DMD: variants seen among roughly 807,000 people sequenced by gnomAD.
DMD encodes the protein dystrophin.
Under a neutral mutation model 330.1 loss-of-function variants are expected in DMD, and 63 were observed. The observed-to-expected ratio is 0.19, with a 90% CI of 0.16 to 0.24. The LOEUF (loss-of-function observed/expected upper bound fraction) is 0.24, where lower values mean the gene tolerates loss of function less well. DMD is among the 10% of genes least tolerant of loss of function. The pLI is 1.00. For synonymous variants in DMD, 1,223 were observed against 959.8 expected (o/e 1.27, Z -5.07); for missense variants, 3,344 against 2,684.1 (o/e 1.25, Z -5.43).
chrX:32,821,179 G>A (rs1476538419), intron 5 of DMD, among the ~76,000 whole-genome samples: 2 of 111,339 alleles, frequency 1.8e-5, no homozygotes, highest in Non-Finnish European at 3.8e-5. Flanking sequence ...CAGAGAATTT[G>A]GAATAAAAAT....
chrX:32,930,355 A>C, intron 2 of DMD, among the ~76,000 whole-genome samples: 1 of 110,302 alleles, frequency 9.1e-6, no homozygotes, highest in East Asian at 2.9e-4. Flanking sequence ...TAGTCAGAAA[A>C]CCAAAAAAGT....
intron 43 of DMD, among the ~76,000 whole-genome samples, chrX:32,224,040 T>G (rs1403569467): frequency 2.7e-5 from 3 of 111,402 alleles, no homozygotes; most frequent in African/African-American, 9.8e-5. Context: ...ACTTTTCCCA[T>G]TTTTCTATTG....
chrX:32,651,533 C>G (rs1384971375), intron 9 of DMD, among the ~76,000 whole-genome samples: 1 of 111,772 alleles, frequency 8.9e-6, no homozygotes, highest in African/African-American at 3.3e-5. Context: ...AGGAAAATAC[C>G]TCGTCTTCAT....
intron 41 of DMD, among the ~76,000 whole-genome samples, chrX:32,318,100 A>G (rs2097590718): frequency 9.0e-6 from 1 of 111,404 alleles, no homozygotes. Flanking sequence ...TCATAAATGA[A>G]AAGGCAATGG....
Position 31,412,403 on chromosome X carries a change from C to T in DMD, c.9084+32078G>A, listed in dbSNP as rs1053809496. Among the ~76,000 whole-genome samples, 4 of 111,650 alleles carry T rather than the reference C, an allele frequency of 3.6e-5. No individual in the cohort carries two copies. In the East Asian group the frequency reaches 1.1e-3, roughly 31 times the overall value. The stretch of plus-strand genomic sequence containing the variant: ...TGAAGGAAAGAATATATTTCTTAGC[C>T]TCACATAGATGTAAATATAATCATG... On this transcript the variant is annotated intron_variant, in intron 60 of 78. Coordinates refer to ENST00000357033, the MANE Select transcript of DMD (RefSeq NM_004006.3).
chrX:32,285,749 G>A (rs1011496269), intron 43 of DMD, among the ~76,000 whole-genome samples: 19 of 110,857 alleles, frequency 1.7e-4, no homozygotes, highest in African/African-American at 5.9e-4. Flanking sequence ...CACCCAGGCT[G>A]GAATGCAGTG....
chrX:33,018,330 T>C (rs2093844234), intron 2 of DMD, among the ~76,000 whole-genome samples: 1 of 111,533 alleles, frequency 9.0e-6, no homozygotes, highest in African/African-American at 3.2e-5. Context: ...GCAAATATTT[T>C]GGAAGAAAAC....
At chrX:33,297,777 T>A (rs1188283845) in intron 1 of DMD, among the ~76,000 whole-genome samples, 1 of 111,206 alleles carries the variant, frequency 9.0e-6, no homozygotes, top group African/African-American at 3.3e-5. Context: ...TATAAAATGT[T>A]GAACTTATAG....
At chrX:32,580,889 C>T (rs2053583337) in intron 13 of DMD, among the ~76,000 whole-genome samples, 1 of 110,824 alleles carries the variant, frequency 9.0e-6, no homozygotes, top group Non-Finnish European at 1.9e-5. Flanking sequence ...AGCAGTGGCG[C>T]GATCTCGGCT....
intron 41 of DMD, among the ~76,000 whole-genome samples, chrX:32,338,210 G>A (rs1166034545): frequency 9.0e-6 from 1 of 111,439 alleles, no homozygotes; most frequent in Non-Finnish European, 1.9e-5. Context: ...AACCCTTAAT[G>A]ATACCTTTTT....
At chrX:32,127,882 T>C (rs1156929326) in intron 44 of DMD, among the ~76,000 whole-genome samples, 1 of 112,249 alleles carries the variant, frequency 8.9e-6, no homozygotes, top group Non-Finnish European at 1.9e-5. Flanking sequence ...TTCAATTATA[T>C]GCTATCATAG....
At chrX:32,366,855 T>C (rs1224371810) in intron 34 of DMD, among the ~76,000 whole-genome samples, 2 of 112,153 alleles carry the variant, frequency 1.8e-5, no homozygotes, top group Non-Finnish European at 3.8e-5. Flanking sequence ...TTCTAAGATA[T>C]GGTTTTATGT....
chrX:33,159,074 T>C (rs995546703), intron 1 of DMD: 8 of 111,835 alleles, frequency 7.2e-5, no homozygotes, highest in African/African-American at 2.6e-4. Context: ...TACCTTCCAA[T>C]AACCTATTAT....
intron 12 of DMD, among the ~76,000 whole-genome samples, chrX:32,600,969 T>G: frequency 1.0e-5 from 1 of 95,569 alleles, no homozygotes; most frequent in Non-Finnish European, 2.4e-5. Context: ...AGGAATTGAC[T>G]TTTTTTCAAA....
rs192032268 is a variant in DMD at position 31,766,002 on chromosome X, C to T, written c.7542+7958G>A. Among the ~76,000 whole-genome samples the T allele has an allele frequency of 4.5e-5, 5 of 111,179 alleles. No individual in the cohort carries two copies. The East Asian group carries it at 1.4e-3, about 31-fold the overall frequency. ...TAAGAAAAATTTACATCATAACACA[C>T]TGTAACTTCAATTACAGACTTTAAG... On this transcript the variant is annotated intron_variant, in intron 51 of 78. Coordinates refer to ENST00000357033, the MANE Select transcript of DMD (RefSeq NM_004006.3).
At position 32,595,859 on chromosome X, in the gene DMD, T is replaced by C. The variant is rs2149265126; in HGVS notation, c.1500A>G (p.Leu500=). 2.5e-6 allele frequency: 3 copies of C among 1,197,434 alleles called. No homozygotes were observed. Among genetic ancestry groups the C allele is most frequent in the Admixed American group, 2.2e-5 (1 of 45,966 alleles). ...VQQHKVLQED[L]EQEQVRVNSL... ...AATTGACCCTGACTTGTTCTTGTTC[T>C]AGATCTTCTTGAAGCACCTGAAAGA... is the stretch of plus-strand genomic sequence containing the variant. The change falls in exon 13 of 79, where the codon CTA becomes CTG. Residue 500 remains leucine, a synonymous_variant. Transcript: ENST00000357033.
intron 50 of DMD, among the ~76,000 whole-genome samples, chrX:31,801,589 C>T (rs776310176): frequency 1.3e-5 from 1 of 78,857 alleles, no homozygotes; most frequent in Non-Finnish European, 2.5e-5. Context: ...ATCCCCCCCC[C>T]CCAACACACA....
chrX:32,508,431 T>C (rs2044863969), intron 18 of DMD, among the ~76,000 whole-genome samples: 1 of 111,111 alleles, frequency 9.0e-6, no homozygotes, highest in Non-Finnish European at 1.9e-5. Context: ...ATAATAAAAT[T>C]TAGTATAACA....
At chrX:31,330,173 T>A (rs1228878981) in intron 61 of DMD, among the ~76,000 whole-genome samples, 1 of 105,081 alleles carries the variant, frequency 9.5e-6, no homozygotes, top group African/African-American at 3.5e-5. Context: ...TAAATATGCA[T>A]ATTTTTGCAT....
Sources: gnomAD v4.1 joint callset for allele counts (sites outside exome capture counted in the v4.1 genomes callset) on GRCh38, gnomAD v4.1.1 for gene constraint, MANE v1.5 for transcripts, NCBI Gene and HGNC (gene_info 2026-07-23, HGNC 2026-07-21) for gene names.